UBE2O: variants seen among roughly 807,000 people sequenced by gnomAD.
The protein encoded by UBE2O is ubiquitin conjugating enzyme E2 O.
A neutral mutation model predicts 125.8 loss-of-function variants in UBE2O; 15 were observed. The ratio of observed to expected loss-of-function variants is 0.12; its 90% confidence interval spans 0.08 to 0.18. UBE2O has a LOEUF of 0.18. UBE2O is among the 10% of genes least tolerant of loss of function. The probability of loss-of-function intolerance (pLI) is 1.00; values close to 1 mark genes in which losing one functional copy is unlikely to be tolerated. For synonymous variants in UBE2O, 708 were observed against 703.2 expected (o/e 1.01, Z -0.11); for missense variants, 1,280 against 1,723.6 (o/e 0.74, Z 4.56).
chr17:76,400,237 A>G lies in UBE2O; in HGVS notation c.1065T>C (p.Tyr355=). The G allele has an allele frequency of 5.0e-6, 8 of 1,614,002 alleles. No individual in the cohort carries two copies. The highest frequency in any genetic ancestry group is 6.8e-6 in the Non-Finnish European group (8 of 1,179,988). The change falls in exon 8 of 18, where the codon TAT becomes TAC. Residue 355 remains tyrosine, a synonymous_variant. Coordinates refer to ENST00000319380, the MANE Select transcript of UBE2O (RefSeq NM_022066.4). The surrounding 1 kb of genome is among the most constrained non-coding windows in gnomAD (Gnocchi z 4.3). ...AQRQLGERCL[Y]VFPAKVEPAK... is the part of the protein sequence containing the mutation. ...CTGGCTCTACCTTGGCTGGGAAGAC[A>G]TACAGACAGCGCTCCCCAAGCTGCC...
At chr17:76,421,621 T>C (rs544168280) in intron 1 of UBE2O, among the ~76,000 whole-genome samples, 1 of 152,270 alleles carries the variant, frequency 6.6e-6, no homozygotes, top group East Asian at 1.9e-4. Context: ...CACCTTGGCC[T>C]CCCAAGGTGC....
At chr17:76,435,771 C>T (rs2072986478) in intron 1 of UBE2O, among the ~76,000 whole-genome samples, 1 of 152,242 alleles carries the variant, frequency 6.6e-6, no homozygotes, top group African/African-American at 2.4e-5. Flanking sequence ...CAGCCCTATG[C>T]TCGGGAGCCA....
chr17:76,437,930 T>C (rs927958162), intron 1 of UBE2O, among the ~76,000 whole-genome samples: 1 of 152,206 alleles, frequency 6.6e-6, no homozygotes, highest in African/African-American at 2.4e-5. Context: ...ACAGGCTAAA[T>C]ACACGCTTCG....
intron 1 of UBE2O, among the ~76,000 whole-genome samples, chr17:76,423,693 AAAAT>A (rs74941845): frequency 6.5e-4 from 89 of 135,920 alleles, no homozygotes; most frequent in African/African-American, 1.6e-3. Flanking sequence ...ACTCCATCTC[AAAAT>A]AAATAAATAA....
rs2072205039 is a variant in UBE2O at position 76,396,158 on chromosome 17, C to T, written c.2779G>A (p.Glu927Lys). 2.5e-6 allele frequency: 4 copies of T among 1,612,876 alleles called. No homozygotes were observed. The highest frequency in any genetic ancestry group is 3.4e-6 in the Non-Finnish European group (4 of 1,179,314). ...GCAAACTCCAGTACGGAGAAGACCT[C>T]GCCCTTGGCGCTGGTGAAGGTGACG... ...PGVTFTSAKG[E>K]VFSVLEFAPS... Residue 927 changes from glutamate to lysine, a missense_variant, in exon 14 of 18, where the codon GAG (glutamate) becomes AAG (lysine). Around this residue, in one of 10 missense-constraint regions of UBE2O, gnomAD observed 116 missense variants for 154.8 expected, o/e 0.75. Transcript: ENST00000319380. This position sits in a 1 kb window ranked among gnomAD's most constrained non-coding sequence, Gnocchi z 6.7.
chr17:76,444,680 T>C (rs935528509), intron 1 of UBE2O, among the ~76,000 whole-genome samples: 3 of 152,176 alleles, frequency 2.0e-5, no homozygotes, highest in South Asian at 2.1e-4. Context: ...GAGCAGGTCA[T>C]GAGGAAATGG....
chr17:76,401,951 C>G (rs1471941742), intron 5 of UBE2O, 113 bp downstream of exon 5: 17 of 1,050,796 alleles, frequency 1.6e-5, no homozygotes, highest in Non-Finnish European at 2.2e-5. Flanking sequence ...GCGCACCCGC[C>G]CCTTTTCTAG....
chr17:76,433,372 A>C lies in UBE2O; in HGVS notation c.417+19353T>G, dbSNP rs549862897. 6.7e-5 allele frequency among the ~76,000 whole-genome samples: 10 copies of C among 148,274 alleles called. 1 individual carries two copies. In the South Asian group the frequency reaches 2.3e-3, roughly 34 times the overall value. ...ATCTAGTATGCTTCCATTTATATGA[A>C]ATGTCCAAAATAGGCAAACCCACAG... is the stretch of plus-strand genomic sequence containing the variant. On this transcript the variant is annotated intron_variant, in intron 1 of 17. Coordinates refer to ENST00000319380, the MANE Select transcript of UBE2O (RefSeq NM_022066.4).
At chr17:76,397,737 T>A (rs1263799755) in intron 13 of UBE2O, 62 bp downstream of exon 13, 1 of 1,531,242 alleles carries the variant, frequency 6.5e-7, no homozygotes, top group East Asian at 2.2e-5. Flanking sequence ...TACACGCCTG[T>A]GGCCCCCGGC....
chr17:76,399,281 C>G lies in UBE2O; in HGVS notation c.1628+168G>C. 1.3e-6 allele frequency: 1 copy of G among 776,914 alleles called. No homozygotes were observed. The highest frequency in any genetic ancestry group is 2.0e-6 in the Non-Finnish European group (1 of 488,756). The allele number at this position is 776,914 out of a possible 1,614,324, so 48.1% of individuals were successfully genotyped here. ...TGCACCACTCCTCAGTCTCTGCTTTCCACCAGGGCCTACCCCAGGCACCTA... is the reference window on the plus strand; with the variant it reads ...TGCACCACTCCTCAGTCTCTGCTTTGCACCAGGGCCTACCCCAGGCACCTA... On this transcript the variant is annotated intron_variant, in intron 9 of 17. Transcript: ENST00000319380. The surrounding 1 kb of genome is among the most constrained non-coding windows in gnomAD (Gnocchi z 6.9).
rs142431589 is a variant in UBE2O at position 76,398,294 on chromosome 17, G to A, written c.1986C>T (p.Ile662=). 6,393 of 1,614,160 alleles carry A rather than the reference G, an allele frequency of 4.0e-3. 27 individuals are homozygous for A. Among genetic ancestry groups the A allele is most frequent in the Non-Finnish European group, 5.1e-3 (6,067 of 1,180,026 alleles). Residue 662 remains isoleucine (I), a synonymous_variant, in exon 12 of 18, where the codon ATC becomes ATT. Transcript: ENST00000319380. The surrounding 1 kb of genome is among the most constrained non-coding windows in gnomAD (Gnocchi z 5.4). Reference sequence around the variant, plus strand: ...GAGGAGCCCCATCCTCAGTATTGCCGATGCGGATGACGATGTCAGTTGTAC... The same window carrying A: ...GAGGAGCCCCATCCTCAGTATTGCCAATGCGGATGACGATGTCAGTTGTAC... ...RFRTTDIVIR[I]GNTEDGAPHK...
At chr17:76,413,618 T>C (rs1274156892) in intron 1 of UBE2O, among the ~76,000 whole-genome samples, 1 of 152,192 alleles carries the variant, frequency 6.6e-6, no homozygotes, top group South Asian at 2.1e-4. Flanking sequence ...GAGTGACTGC[T>C]GAGAAGCTGG....
chr17:76,416,161 T>C (rs1263273693), intron 1 of UBE2O, among the ~76,000 whole-genome samples: 1 of 151,732 alleles, frequency 6.6e-6, no homozygotes, highest in African/African-American at 2.4e-5. Context: ...TGTGGCTTTA[T>C]ATACACATAC....
At chr17:76,419,520 C>G (rs1336635446) in intron 1 of UBE2O, among the ~76,000 whole-genome samples, 1 of 152,164 alleles carries the variant, frequency 6.6e-6, no homozygotes, top group Non-Finnish European at 1.5e-5. Context: ...CCCTTCGGCA[C>G]TCCCTGACAC....
At chr17:76,416,297 G>C (rs2072616575) in intron 1 of UBE2O, among the ~76,000 whole-genome samples, 1 of 152,010 alleles carries the variant, frequency 6.6e-6, no homozygotes, top group Non-Finnish European at 1.5e-5. Flanking sequence ...TGGCAGCCCA[G>C]CATCTTCCCT....
At chr17:76,450,746 C>T (rs1427775045) in intron 1 of UBE2O, among the ~76,000 whole-genome samples, 1 of 152,142 alleles carries the variant, frequency 6.6e-6, no homozygotes, top group Non-Finnish European at 1.5e-5. Flanking sequence ...CTCAGCCTCC[C>T]GAGTAGCTCA....
intron 1 of UBE2O, among the ~76,000 whole-genome samples, chr17:76,417,822 C>A (rs1256719612): frequency 2.6e-5 from 4 of 152,224 alleles, no homozygotes; most frequent in African/African-American, 7.2e-5. Flanking sequence ...TCAGCGTCCG[C>A]GAAGAGACGT....
rs549630873 is a variant in UBE2O at position 76,392,949 on chromosome 17, C to CA, written c.2947-837dup. ...CCTGGGTGACAGTGCGACGCTATCT[C>CA]AAAAAAAAAAAAAGATTGTATTCCT... On this transcript the variant is annotated intron_variant, in intron 15 of 17. Transcript: ENST00000319380. 8.4e-3 allele frequency among the ~76,000 whole-genome samples: 1,135 copies of CA among 134,748 alleles called. 13 individuals carry two copies. Among genetic ancestry groups the CA allele is most frequent in the African/African-American group, 0.026 (936 of 36,530 alleles). 88.4% of individuals were successfully genotyped at this position (134,748 alleles called of 152,430 possible).
rs1033320355 is a variant in UBE2O at position 76,391,243 on chromosome 17, T to C, written c.3579A>G (p.Gly1193=). The C allele has an allele frequency of 4.3e-6, 7 of 1,613,406 alleles. No homozygotes were observed. In the African/African-American group the frequency reaches 9.3e-5, roughly 21 times the overall value. Residue 1193 remains glycine (G), a synonymous_variant, in exon 18 of 18, where the codon GGA becomes GGG. Coordinates refer to ENST00000319380, the MANE Select transcript of UBE2O (RefSeq NM_022066.4). The surrounding 1 kb of genome is among the most constrained non-coding windows in gnomAD (Gnocchi z 8.4). The stretch of plus-strand genomic sequence containing the variant: ...CTGAGTCTGAGCCCTGGGAGGCCTC[T>C]CCTGGGGCTGGCCCTCCATCCTCAG... The part of the protein sequence containing the change: ...QEPEDGGPAP[G]EASQGSDSEG...
Sources: gnomAD v4.1 joint callset for allele counts (sites outside exome capture counted in the v4.1 genomes callset) on GRCh38, gnomAD v4.1.1 for gene constraint, gnomAD v4.1.1 regional missense constraint, Gnocchi (gnomAD v3.1) non-coding constraint, MANE v1.5 for transcripts, NCBI Gene and HGNC (gene_info 2026-07-23, HGNC 2026-07-21) for gene names.